The following IMMP2L variants were observed in gnomAD, a reference collection of about 807,000 sequenced individuals.
The protein encoded by IMMP2L is mitochondrial inner membrane protease subunit 2.
Under a neutral mutation model 19.3 loss-of-function variants are expected in IMMP2L, and 18 were observed. The ratio of observed to expected loss-of-function variants is 0.93; its 90% CI spans 0.64 to 1.38. The LOEUF (loss-of-function observed/expected upper bound fraction) is 1.38. Ranked by LOEUF, IMMP2L falls within the 40% of genes most tolerant of loss-of-function variation. The pLI is 0.00. For missense variants in IMMP2L, 233 were observed against 218.2 expected, an observed-to-expected ratio of 1.07 and a Z score of -0.43; for synonymous variants, 76 against 73.0, an observed-to-expected ratio of 1.04 and a Z score of -0.21.
At chr7:111,126,364 G>A (rs1286429173) in intron 3 of IMMP2L, among the ~76,000 whole-genome samples, 25 of 151,996 alleles carry the variant, frequency 1.6e-4, no homozygotes, top group Admixed American at 1.6e-3. Context: ...TAACAGGTTC[G>A]ACTTTCTGAA....
intron 3 of IMMP2L, among the ~76,000 whole-genome samples, chr7:111,331,785 T>C (rs2130669523): frequency 6.6e-6 from 1 of 151,920 alleles, no homozygotes; most frequent in Non-Finnish European, 1.5e-5. Context: ...AATCCAAGGA[T>C]TTGTATATAG....
chr7:111,261,172 C>T (rs537310063), intron 3 of IMMP2L, among the ~76,000 whole-genome samples: 19 of 152,136 alleles, frequency 1.2e-4, no homozygotes, highest in African/African-American at 4.3e-4. Flanking sequence ...ATTTCTCCAC[C>T]GCCTTTAAGT....
intron 3 of IMMP2L, among the ~76,000 whole-genome samples, chr7:111,214,051 C>A (rs562149297): frequency 2.6e-4 from 40 of 152,076 alleles, no homozygotes; most frequent in Non-Finnish European, 5.3e-4. Flanking sequence ...TTTTAATACA[C>A]AATAAATCAA....
intron 5 of IMMP2L, among the ~76,000 whole-genome samples, chr7:110,701,621 C>T (rs1003564346): frequency 2.6e-5 from 4 of 152,082 alleles, no homozygotes; most frequent in African/African-American, 9.7e-5. Context: ...GACAGGGTTT[C>T]GCCATGTTGG....
chr7:111,327,135 C>T (rs891648062), intron 3 of IMMP2L, among the ~76,000 whole-genome samples: 5 of 151,720 alleles, frequency 3.3e-5, no homozygotes, highest in African/African-American at 9.7e-5. Context: ...AGGCCAGTCA[C>T]AGAAGCGCAA....
chr7:111,149,088 T>C (rs899503217), intron 3 of IMMP2L, among the ~76,000 whole-genome samples: 5 of 152,144 alleles, frequency 3.3e-5, no homozygotes, highest in African/African-American at 1.2e-4. Context: ...ACGTTAAAAG[T>C]AATACAGTAA....
At chr7:111,037,878 T>C (rs1433733096) in intron 3 of IMMP2L, among the ~76,000 whole-genome samples, 3 of 152,110 alleles carry the variant, frequency 2.0e-5, no homozygotes, top group Non-Finnish European at 4.4e-5. Context: ...AGTTCACATA[T>C]CTGTTTGTAG....
chr7:111,138,131 T>C (rs547429618), intron 3 of IMMP2L, among the ~76,000 whole-genome samples: 9 of 152,322 alleles, frequency 5.9e-5, no homozygotes, highest in African/African-American at 1.9e-4. Context: ...GTGACCAGCC[T>C]TGTGCTACAC....
chr7:110,800,954 G>T (rs1016185059), intron 5 of IMMP2L, among the ~76,000 whole-genome samples: 3 of 151,920 alleles, frequency 2.0e-5, no homozygotes, highest in African/African-American at 7.2e-5. Flanking sequence ...TTCACAATGG[G>T]TACCTTCATC....
At chr7:110,946,698 G>A (rs954231188) in intron 4 of IMMP2L, among the ~76,000 whole-genome samples, 1 of 140,858 alleles carries the variant, frequency 7.1e-6, no homozygotes, top group African/African-American at 2.6e-5. Context: ...TATTAAAACT[G>A]TTAAGAAAAC....
chr7:111,186,628 AC>A (rs1314061726), intron 3 of IMMP2L, among the ~76,000 whole-genome samples: 2 of 151,976 alleles, frequency 1.3e-5, no homozygotes, highest in Non-Finnish European at 2.9e-5. Flanking sequence ...ACGGGGTTTC[AC>A]CTTGTTAGCC....
intron 3 of IMMP2L, among the ~76,000 whole-genome samples, chr7:111,285,932 TG>T (rs1487760266): frequency 6.6e-6 from 1 of 152,196 alleles, no homozygotes. Context: ...TCCTCATATC[TG>T]GTAGGGGGGT....
chr7:111,433,012 T>C (rs1836791973), intron 3 of IMMP2L, among the ~76,000 whole-genome samples: 1 of 150,874 alleles, frequency 6.6e-6, no homozygotes, highest in South Asian at 2.1e-4. Context: ...GAAGGTGAAC[T>C]ATCTGTTGTA....
intron 5 of IMMP2L, among the ~76,000 whole-genome samples, chr7:110,770,234 C>T (rs968851846): frequency 1.3e-5 from 2 of 152,142 alleles, no homozygotes; most frequent in Non-Finnish European, 2.9e-5. Context: ...TGGAAGTGCT[C>T]ATACTTAATT....
At chr7:111,294,402 A>G (rs1186038112) in intron 3 of IMMP2L, among the ~76,000 whole-genome samples, 1 of 151,942 alleles carries the variant, frequency 6.6e-6, no homozygotes, top group Non-Finnish European at 1.5e-5. Flanking sequence ...AAAAGTAAAC[A>G]TGGTGAGAAA....
intron 3 of IMMP2L, among the ~76,000 whole-genome samples, chr7:111,166,409 T>G (rs1441047479): frequency 6.6e-6 from 1 of 151,980 alleles, no homozygotes; most frequent in Non-Finnish European, 1.5e-5. Flanking sequence ...TATTATACTC[T>G]CTCCTATCCT....
rs564761633 is a variant in IMMP2L, at chr7:110,705,077, G to A, written c.409-41356C>T. On this transcript the variant is annotated intron_variant, in intron 5 of 5. Transcript: ENST00000405709. ...CAGAAATAATCATAGAAAATTAAAA[G>A]GAGATTAAACTGGAAGCTTACTATC... Among the ~76,000 whole-genome samples the A allele has an allele frequency of 2.7e-5, 4 of 150,592 alleles. No individual in the cohort carries two copies. The South Asian group carries it at 8.5e-4, about 32-fold the overall frequency.
At chr7:110,675,134 G>C (rs1006651369) in intron 5 of IMMP2L, among the ~76,000 whole-genome samples, 2 of 152,168 alleles carry the variant, frequency 1.3e-5, no homozygotes, top group African/African-American at 4.8e-5. Flanking sequence ...TTTGGATCCA[G>C]AGGATTACAC....
At chr7:110,831,936 T>C (rs1462516489) in intron 5 of IMMP2L, among the ~76,000 whole-genome samples, 1 of 152,198 alleles carries the variant, frequency 6.6e-6, no homozygotes, top group African/African-American at 2.4e-5. Flanking sequence ...CAGGGTTTTT[T>C]TTAAAACTGC....
Sources: allele counts gnomAD v4.1 joint callset (sites outside exome capture counted in the v4.1 genomes callset), GRCh38; gene constraint gnomAD v4.1.1; transcripts MANE v1.5; gene names NCBI Gene and HGNC (gene_info 2026-07-23, HGNC 2026-07-21).